The following CERKL variants were observed in gnomAD, a reference collection of about 807,000 sequenced individuals.
CERKL encodes CERK like autophagy regulator, also known as ceramide kinase-like protein.
A neutral mutation model predicts 63.4 loss-of-function variants in CERKL; 61 were observed. The ratio of observed to expected loss-of-function variants is 0.96; its 90% confidence interval spans 0.78 to 1.19. The LOEUF is 1.19. Ranked by LOEUF, CERKL falls within the 50% of genes most tolerant of loss-of-function variation. CERKL has a pLI of 0.00. For missense variants in CERKL, 675 were observed against 655.5 expected (o/e 1.03, Z -0.33); for synonymous variants, 250 against 230.5 (o/e 1.08, Z -0.77).
chr2:181,643,698 A>G (rs1687546032), intron 1 of CERKL, among the ~76,000 whole-genome samples: 1 of 152,244 alleles, frequency 6.6e-6, no homozygotes, highest in South Asian at 2.1e-4. Flanking sequence ...GAGGAGACAC[A>G]TGTTTCCAAC....
intron 2 of CERKL, among the ~76,000 whole-genome samples, chr2:181,580,102 C>T (rs1482282551): frequency 4.0e-5 from 6 of 151,778 alleles, no homozygotes; most frequent in Non-Finnish European, 5.9e-5. Context: ...AAACATTCTC[C>T]TGGTATTTCA....
intron 2 of CERKL, among the ~76,000 whole-genome samples, chr2:181,586,601 A>G (rs1436138773): frequency 2.0e-5 from 3 of 152,316 alleles, no homozygotes; most frequent in African/African-American, 7.2e-5. Flanking sequence ...GTAACTTCCC[A>G]ATTCATACTC....
intron 10 of CERKL, among the ~76,000 whole-genome samples, chr2:181,545,257 T>C (rs1687670250): frequency 6.6e-6 from 1 of 152,140 alleles, no homozygotes; most frequent in African/African-American, 2.4e-5. Flanking sequence ...CTAAGTGACA[T>C]AGGAAATGAA....
At chr2:181,543,800 A>G (rs1192458562) in intron 11 of CERKL, among the ~76,000 whole-genome samples, 2 of 152,084 alleles carry the variant, frequency 1.3e-5, no homozygotes, top group Admixed American at 1.3e-4. Flanking sequence ...CCTGACCAAC[A>G]TGGTGAAACC....
chr2:181,632,029 T>G (rs186618875), intron 1 of CERKL, among the ~76,000 whole-genome samples: 1 of 152,368 alleles, frequency 6.6e-6, no homozygotes, highest in African/African-American at 2.4e-5. Flanking sequence ...TTATTTATAT[T>G]TCTGAATAAT....
chr2:181,656,900 G>A lies in CERKL; in HGVS notation c.107C>T (p.Pro36Leu). ...CTCGGCCGCCGCCTCCGTCTGCTGC[G>A]GGGACGTTAACAGCGCCGGAGGCAC... ...AAVPPALLTS[P>L]QQTEAAAERI... The change falls in exon 1 of 13, where the codon CCG becomes CTG. Residue 36 changes from proline (P) to leucine (L), a missense_variant. Pro to Leu is a moderately conservative substitution (Grantham distance 98). Coordinates refer to ENST00000410087, the MANE Select transcript of CERKL (RefSeq NM_201548.5). 1 of 1,604,634 alleles carries A rather than the reference G, an allele frequency of 6.2e-7. No homozygotes were observed. Among genetic ancestry groups the A allele is most frequent in the Non-Finnish European group, 8.5e-7 (1 of 1,175,022 alleles).
intron 2 of CERKL, among the ~76,000 whole-genome samples, chr2:181,588,227 T>G (rs1345740144): frequency 6.6e-6 from 1 of 152,178 alleles, no homozygotes; most frequent in Non-Finnish European, 1.5e-5. Context: ...ACTGAAATCC[T>G]GTATCCCGTG....
At chr2:181,605,934 G>C (rs555096810) in intron 1 of CERKL, among the ~76,000 whole-genome samples, 2 of 151,846 alleles carry the variant, frequency 1.3e-5, no homozygotes, top group Non-Finnish European at 2.9e-5. Flanking sequence ...GCATTCTCAG[G>C]GGCATTTTTG....
At chr2:181,611,985 G>A (rs1685987431) in intron 1 of CERKL, among the ~76,000 whole-genome samples, 1 of 152,046 alleles carries the variant, frequency 6.6e-6, no homozygotes, top group South Asian at 2.1e-4. Flanking sequence ...AAAAAATAAG[G>A]GTAGCTAATA....
At chr2:181,637,614 G>A (rs539669574) in intron 1 of CERKL, among the ~76,000 whole-genome samples, 7 of 152,054 alleles carry the variant, frequency 4.6e-5, no homozygotes, top group Non-Finnish European at 1.0e-4. Context: ...GAGCTTTGAG[G>A]AACAAATAAG....
In CERKL at chr2:181,548,682, A is replaced by C. The variant is rs1346410613; in HGVS notation, c.1071T>G (p.Leu357=). The C allele has an allele frequency of 6.2e-7, 1 of 1,613,890 alleles. No homozygotes were observed. The highest frequency in any genetic ancestry group is 8.5e-7 in the Non-Finnish European group (1 of 1,179,874). The change falls in exon 7 of 13, where the codon CTT becomes CTG. Residue 357 remains leucine (L), a splice_region_variant and synonymous_variant. Transcript: ENST00000410087. Reference sequence around the variant, plus strand: ...TTTGGTTTAAGAAAAAGACTTACTTAAGTTTTGCCAGTGCCTTAACAACAG... The same window carrying C: ...TTTGGTTTAAGAAAAAGACTTACTTCAGTTTTGCCAGTGCCTTAACAACAG... The part of the protein sequence containing the change: ...DFAVVKALAK[L]KAEDCEISFL...
chr2:181,586,786 A>G (rs1468148025), intron 2 of CERKL, among the ~76,000 whole-genome samples: 1 of 152,226 alleles, frequency 6.6e-6, no homozygotes, highest in East Asian at 1.9e-4. Context: ...TTCTCCAAAC[A>G]AAGGCTCATG....
chr2:181,584,080 G>C (rs55913132), intron 2 of CERKL, among the ~76,000 whole-genome samples: 15,557 of 152,204 alleles, frequency 0.1, 1,102 homozygotes, highest in East Asian at 0.24. Context: ...GTTTGAAGCA[G>C]ATACAGAAAA....
intron 4 of CERKL, among the ~76,000 whole-genome samples, chr2:181,560,659 C>T (rs948404321): frequency 3.3e-5 from 5 of 151,962 alleles, no homozygotes; most frequent in African/African-American, 1.2e-4. Flanking sequence ...GATAAAGTAA[C>T]TTTTTCAAGA....
intron 4 of CERKL, among the ~76,000 whole-genome samples, chr2:181,559,300 T>C (rs1385626785): frequency 1.3e-5 from 2 of 152,218 alleles, no homozygotes; most frequent in South Asian, 4.1e-4. Flanking sequence ...ATAGTACTAC[T>C]AGTATATTTT....
chr2:181,582,224 T>A (rs548561868), intron 2 of CERKL, among the ~76,000 whole-genome samples: 1 of 152,270 alleles, frequency 6.6e-6, no homozygotes, highest in East Asian at 1.9e-4. Context: ...GGGGGAATAC[T>A]CTTGAGTGGG....
chr2:181,615,077 A>G (rs912872039), intron 1 of CERKL, among the ~76,000 whole-genome samples: 3 of 152,240 alleles, frequency 2.0e-5, no homozygotes, highest in African/African-American at 7.2e-5. Flanking sequence ...CATTACTTAC[A>G]GAGATACTGG....
chr2:181,604,797 G>A (rs902932372), intron 1 of CERKL, among the ~76,000 whole-genome samples: 8 of 151,996 alleles, frequency 5.3e-5, no homozygotes, highest in Admixed American at 5.2e-4. Context: ...ATTGTGAGTA[G>A]GAAACATTAT....
At position 181,653,302 on chromosome 2, in the gene CERKL, C is replaced by T. The variant is rs150960945; in HGVS notation, c.238+3467G>A. 4.2e-3 allele frequency among the ~76,000 whole-genome samples: 637 copies of T among 152,194 alleles called. 2 individuals carry two copies. The highest frequency in any genetic ancestry group is 0.015 in the African/African-American group (616 of 41,514). ...TGGAGAAAAGGGAACACTTACACAC[C>T]GGTGGTATGATTGTAAACTAGTACA... On this transcript the variant is annotated intron_variant, in intron 1 of 12. Transcript: ENST00000410087.
Sources: allele counts gnomAD v4.1 joint callset (sites outside exome capture counted in the v4.1 genomes callset), GRCh38; gene constraint gnomAD v4.1.1; transcripts MANE v1.5; gene names NCBI Gene and HGNC (gene_info 2026-07-23, HGNC 2026-07-21).